The following PLEKHB2 variants were observed in gnomAD, a reference collection of about 807,000 sequenced individuals.
PLEKHB2 encodes pleckstrin homology domain containing B2.
In PLEKHB2, 31 loss-of-function variants were observed where a neutral mutation model predicts 36.5. The observed-to-expected ratio is 0.85, with a 90% CI of 0.64 to 1.15. The LOEUF is 1.15. PLEKHB2 is among the 50% of genes most tolerant of loss of function. The probability of loss-of-function intolerance (pLI) is 0.00; values close to 1 mark genes in which losing one functional copy is unlikely to be tolerated. For missense variants in PLEKHB2, 262 were observed against 295.3 expected (o/e 0.89, Z 0.83); for synonymous variants, 119 against 112.0 (o/e 1.06, Z -0.39).
At chr2:131,109,744 A>C (rs970521702) in intron 1 of PLEKHB2, among the ~76,000 whole-genome samples, 1 of 152,084 alleles carries the variant, frequency 6.6e-6, no homozygotes, top group African/African-American at 2.4e-5. Context: ...TTAGAATAAA[A>C]AAAAATATAT....
At chr2:131,131,508 C>T (rs969256081) in intron 5 of PLEKHB2, among the ~76,000 whole-genome samples, 1 of 152,122 alleles carries the variant, frequency 6.6e-6, no homozygotes, top group East Asian at 1.9e-4. Context: ...CTTTATCTGT[C>T]AGTGATCAAG....
chr2:131,146,532 A>C, intron 7 of PLEKHB2, 105 bp from the exon 8 acceptor site: 1 of 1,224,620 alleles, frequency 8.2e-7, no homozygotes, highest in Middle Eastern at 2.4e-4. Context: ...CGCCAGTGTG[A>C]CAGGAGACAG....
At chr2:131,131,445 C>G (rs999053083) in intron 5 of PLEKHB2, among the ~76,000 whole-genome samples, 2 of 152,160 alleles carry the variant, frequency 1.3e-5, no homozygotes, top group Non-Finnish European at 2.9e-5. Context: ...TGTTTCTGGC[C>G]TTAGGAGGTC....
intron 5 of PLEKHB2, among the ~76,000 whole-genome samples, chr2:131,132,451 C>G (rs1697805525): frequency 2.0e-5 from 3 of 152,036 alleles, no homozygotes. Flanking sequence ...GGGCCATAAG[C>G]ACCATGCCCA....
chr2:131,130,748 T>G lies in PLEKHB2; in HGVS notation c.321T>G (p.Ser107=), dbSNP rs758409560. The part of the protein sequence containing the change: ...CLAWKFTLQD[S]RTNTAYVGSA... ...CCTGGAAATTTACACTCCAAGATTC[T>G]AGGACAAACACAGTAAGTTGCTAAT... The change falls in exon 5 of 8, where the codon TCT becomes TCG. Residue 107 remains serine (S), a synonymous_variant. Coordinates refer to ENST00000693505, the MANE Select transcript of PLEKHB2 (RefSeq NM_001100623.2). 6.2e-7 allele frequency: 1 copy of G among 1,611,518 alleles called. No individual in the cohort carries two copies. Among genetic ancestry groups the G allele is most frequent in the South Asian group, 1.1e-5 (1 of 90,910 alleles).
rs2105014756 is a variant in PLEKHB2 at position 131,149,378 on chromosome 2, C to G, written c.*2605C>G. On this transcript the variant is annotated 3_prime_UTR_variant, in exon 8 of 8. Coordinates refer to ENST00000693505, the MANE Select transcript of PLEKHB2 (RefSeq NM_001100623.2). ...ACTTCCATGTGTACTTTTAAATAAT[C>G]CATACCTTGAAGAAGTTGGCCAATG... 1 of 152,312 alleles carries G rather than the reference C, an allele frequency of 6.6e-6. No individual in the cohort carries two copies. The highest frequency in any genetic ancestry group is 2.1e-4 in the South Asian group (1 of 4,832). 9.4% of individuals were successfully genotyped at this position (152,312 alleles called of 1,614,324 possible).
intron 1 of PLEKHB2, among the ~76,000 whole-genome samples, chr2:131,110,343 G>A (rs989583532): frequency 5.0e-4 from 70 of 139,762 alleles, no homozygotes; most frequent in African/African-American, 1.8e-3. Flanking sequence ...TTCCTCCCCA[G>A]TCCTTCTGCA....
At chr2:131,120,729 T>A (rs1373766343) in intron 1 of PLEKHB2, 2 of 633,550 alleles carry the variant, frequency 3.2e-6, no homozygotes, top group Admixed American at 4.8e-5. Flanking sequence ...TGAAGGCGAG[T>A]GTGGGAGGAA....
intron 4 of PLEKHB2, among the ~76,000 whole-genome samples, chr2:131,128,344 TAAG>T (rs932265124): frequency 1.3e-5 from 2 of 151,626 alleles, no homozygotes; most frequent in Non-Finnish European, 2.9e-5. Flanking sequence ...GAAGGAAAAA[TAAG>T]AAAAGGAAAA....
At chr2:131,108,569 A>G (rs1413893204) in intron 1 of PLEKHB2, among the ~76,000 whole-genome samples, 2 of 152,328 alleles carry the variant, frequency 1.3e-5, no homozygotes, top group African/African-American at 4.8e-5. Context: ...CTTGGGCCAC[A>G]TTGGAAGAAG....
At chr2:131,134,590 C>T (rs1392551329) in intron 6 of PLEKHB2, among the ~76,000 whole-genome samples, 2 of 152,110 alleles carry the variant, frequency 1.3e-5, no homozygotes, top group African/African-American at 2.4e-5. Flanking sequence ...TTGTTACCTT[C>T]CTTTGATCCC....
At chr2:131,120,882 G>A (rs1317781226) in intron 1 of PLEKHB2, 52 bp from the exon 2 acceptor site, 3 of 1,567,652 alleles carry the variant, frequency 1.9e-6, no homozygotes, top group East Asian at 2.2e-5. Context: ...GGGCCGGACA[G>A]GCTATTCTCT....
intron 4 of PLEKHB2, among the ~76,000 whole-genome samples, chr2:131,127,940 A>G (rs532325351): frequency 1.3e-5 from 2 of 152,304 alleles, no homozygotes; most frequent in South Asian, 2.1e-4. Context: ...AGTGAAAGGC[A>G]CTGAAGCTCA....
Position 131,146,743 on chromosome 2 carries a change from G to A in PLEKHB2, c.639G>A (p.Met213Ile), listed in dbSNP as rs757267180. 1 of 1,612,492 alleles carries A rather than the reference G, an allele frequency of 6.2e-7. No individual in the cohort carries two copies. Among genetic ancestry groups the A allele is most frequent in the Non-Finnish European group, 8.5e-7 (1 of 1,179,254 alleles). Residue 213 changes from methionine to isoleucine, a missense_variant, in exon 8 of 8, where the codon ATG becomes ATA. Met to Ile is a conservative substitution (Grantham distance 10). Transcript: ENST00000693505. ...LGMLAGAATG[M>I]ALGSLFWVF ...TGCTGGCAGGAGCAGCCACGGGCAT[G>A]GCCTTAGGGTCTCTATTTTGGGTCT...
At chr2:131,142,729 TGTATTTTTA>T (rs1365852479) in intron 7 of PLEKHB2, among the ~76,000 whole-genome samples, 1 of 152,052 alleles carries the variant, frequency 6.6e-6, no homozygotes, top group African/African-American at 2.4e-5. Flanking sequence ...TGGCTAACTT[TGTATTTTTA>T]GTAGAGATGG....
chr2:131,124,431 C>G lies in PLEKHB2; in HGVS notation c.38-1322C>G, dbSNP rs145038354. 3.6e-3 allele frequency among the ~76,000 whole-genome samples: 554 copies of G among 152,308 alleles called. 1 individual carries two copies. The highest frequency in any genetic ancestry group is 0.011 in the African/African-American group (445 of 41,558). On this transcript the variant is annotated intron_variant, in intron 2 of 7. Transcript: ENST00000693505. ...GGATGTGAGGAAGGTAAAGAGATGACCGGAGCTACAACTGGCCTTTAAGTC... is the reference window on the plus strand; with the variant it reads ...GGATGTGAGGAAGGTAAAGAGATGAGCGGAGCTACAACTGGCCTTTAAGTC...
At chr2:131,128,917 T>C (rs1697366637) in intron 4 of PLEKHB2, among the ~76,000 whole-genome samples, 1 of 151,164 alleles carries the variant, frequency 6.6e-6, no homozygotes, top group Non-Finnish European at 1.5e-5. Context: ...ACAAAATCTA[T>C]ATAAGATATA....
intron 1 of PLEKHB2, among the ~76,000 whole-genome samples, chr2:131,111,340 A>AT (rs1319668995): frequency 7.2e-6 from 1 of 138,478 alleles, no homozygotes; most frequent in Non-Finnish European, 1.6e-5. Context: ...TCATCCTCTA[A>AT]TTTTTTTCCA....
At chr2:131,108,528 T>A (rs1694960259) in intron 1 of PLEKHB2, among the ~76,000 whole-genome samples, 2 of 152,200 alleles carry the variant, frequency 1.3e-5, no homozygotes. Flanking sequence ...GTCCTTGTTC[T>A]TAGAACAGGG....
Sources: allele counts gnomAD v4.1 joint callset (sites outside exome capture counted in the v4.1 genomes callset), GRCh38; gene constraint gnomAD v4.1.1; transcripts MANE v1.5; gene names NCBI Gene and HGNC (gene_info 2026-07-23, HGNC 2026-07-21).